RAB43: variants seen among roughly 807,000 people sequenced by gnomAD.
RAB43 encodes ras-related protein Rab-43.
Under a neutral mutation model 18.8 loss-of-function variants are expected in RAB43, and 6 were observed. That is an observed-to-expected ratio of 0.32 (90% CI 0.17 to 0.63). The LOEUF is 0.63. Among genes scored for constraint, RAB43 ranks in the 30% least tolerant of loss-of-function variants. RAB43 has a pLI of 0.79. For missense variants in RAB43, 195 were observed against 289.1 expected, an observed-to-expected ratio of 0.67 and a Z score of 2.36; for synonymous variants, 103 against 124.1, an observed-to-expected ratio of 0.83 and a Z score of 1.13.
chr3:129,101,359 G>C (rs941861891), intron 1 of RAB43, among the ~76,000 whole-genome samples: 7 of 152,172 alleles, frequency 4.6e-5, no homozygotes, highest in Non-Finnish European at 1.0e-4. Context: ...AACATGCGCT[G>C]AGCTCCTGCC....
Position 129,090,958 on chromosome 3 carries a change from C to G in RAB43, c.*138G>C. 1 of 587,936 alleles carries G rather than the reference C, an allele frequency of 1.7e-6. No individual in the cohort carries two copies. The highest frequency in any genetic ancestry group is 2.1e-5 in the South Asian group (1 of 47,092). 36.4% of individuals were successfully genotyped at this position (587,936 alleles called of 1,614,324 possible). ...GAGCCTCCATCCCGCAGCCAGGCCA[C>G]AGGATGCAGAGCTCCAGAGCTTCAC... On this transcript the variant is annotated 3_prime_UTR_variant, in exon 3 of 3. Transcript: ENST00000315150.
At chr3:129,097,952 T>C (rs141959782) in intron 1 of RAB43, among the ~76,000 whole-genome samples, 4 of 152,092 alleles carry the variant, frequency 2.6e-5, no homozygotes, top group South Asian at 2.1e-4. Flanking sequence ...AGCACAGTGG[T>C]CCCACTGAGC....
At chr3:129,091,756 T>C (rs1043316245) in intron 2 of RAB43, among the ~76,000 whole-genome samples, 1 of 151,010 alleles carries the variant, frequency 6.6e-6, no homozygotes, top group Admixed American at 6.6e-5. Context: ...AATGTGGTTA[T>C]AAGGAAGACA....
At chr3:129,096,169 A>G (rs1045953070) in intron 1 of RAB43, among the ~76,000 whole-genome samples, 8 of 152,236 alleles carry the variant, frequency 5.3e-5, no homozygotes, top group Non-Finnish European at 1.2e-4. Context: ...TTCTCAAGGT[A>G]TGTGAGAAAG....
chr3:129,103,311 C>T (rs1036812531), intron 1 of RAB43, among the ~76,000 whole-genome samples: 1 of 152,246 alleles, frequency 6.6e-6, no homozygotes, highest in African/African-American at 2.4e-5. Flanking sequence ...GGCCTCAGGC[C>T]TGTCTCCACA....
intron 1 of RAB43, among the ~76,000 whole-genome samples, chr3:129,098,387 A>C (rs952409946): frequency 2.6e-5 from 4 of 152,370 alleles, no homozygotes; most frequent in South Asian, 2.1e-4. Context: ...GAATAACTTC[A>C]AGGTGATCAG....
intron 1 of RAB43, among the ~76,000 whole-genome samples, chr3:129,104,811 G>A (rs1188535279): frequency 2.6e-5 from 4 of 152,190 alleles, no homozygotes; most frequent in East Asian, 1.9e-4. Context: ...TGTTCTCGCC[G>A]TTATCTTTTC....
At chr3:129,113,315 G>A (rs1047280332) in intron 1 of RAB43, among the ~76,000 whole-genome samples, 1 of 151,824 alleles carries the variant, frequency 6.6e-6, no homozygotes, top group Non-Finnish European at 1.5e-5. Context: ...ACAGGCATGC[G>A]CCACCATGCC....
At chr3:129,113,231 T>C (rs1560003950) in intron 1 of RAB43, among the ~76,000 whole-genome samples, 1 of 151,558 alleles carries the variant, frequency 6.6e-6, no homozygotes. Context: ...AGTGGCACGA[T>C]CTTGGCTCAC....
At chr3:129,091,547 G>T (rs1933657700) in intron 2 of RAB43, among the ~76,000 whole-genome samples, 2 of 152,206 alleles carry the variant, frequency 1.3e-5, no homozygotes, top group African/African-American at 4.8e-5. Context: ...AACACTTTGG[G>T]AAGCTAAGGC....
chr3:129,098,355 A>C (rs755419049), intron 1 of RAB43, among the ~76,000 whole-genome samples: 5 of 152,180 alleles, frequency 3.3e-5, no homozygotes, highest in Non-Finnish European at 7.3e-5. Flanking sequence ...ACCCTAACAA[A>C]ACATAAAAAA....
intron 1 of RAB43, among the ~76,000 whole-genome samples, chr3:129,113,464 C>G (rs1935299751): frequency 6.6e-6 from 1 of 151,976 alleles, no homozygotes; most frequent in Admixed American, 6.6e-5. Flanking sequence ...ACACTCGGCC[C>G]TAGGCTATTT....
chr3:129,095,199 A>G lies in RAB43; in HGVS notation c.205-30T>C. On this transcript the variant is annotated intron_variant, in intron 1 of 2. Transcript: ENST00000315150. The surrounding 1 kb of genome is among the most constrained non-coding windows in gnomAD (Gnocchi z 4.2). The stretch of plus-strand genomic sequence containing the variant: ...AGAAATAAGGTTCCTCAGTGAACCC[A>G]GTGGCACAGGCTGAACATGGGGACA... The G allele has an allele frequency of 6.2e-7, 1 of 1,604,224 alleles. No homozygotes were observed. The highest frequency in any genetic ancestry group is 8.5e-7 in the Non-Finnish European group (1 of 1,174,348).
At chr3:129,114,990 A>C (rs1935429091) in intron 1 of RAB43, among the ~76,000 whole-genome samples, 1 of 147,938 alleles carries the variant, frequency 6.8e-6, no homozygotes, top group Admixed American at 6.7e-5. Flanking sequence ...CCCGCAATCC[A>C]CTCTCTCTCA....
intron 1 of RAB43, among the ~76,000 whole-genome samples, chr3:129,098,106 G>T (rs1019865460): frequency 1.3e-5 from 2 of 152,192 alleles, no homozygotes; most frequent in African/African-American, 4.8e-5. Flanking sequence ...ACAGACCAGA[G>T]ATAGAGGTTC....
upstream of RAB43, chr3:129,121,825 C>CT (rs1935960970): frequency 1.3e-5 from 2 of 150,146 alleles, no homozygotes; most frequent in African/African-American, 5.3e-5. Flanking sequence ...CCCGCCCCAG[C>CT]CCGCCCCCGC....
chr3:129,103,596 ACT>A lies in RAB43; in HGVS notation c.205-8429_205-8428del, dbSNP rs371183489. On this transcript the variant is annotated intron_variant, in intron 1 of 2. Transcript: ENST00000315150. ...TTTTTTTTTTTTTAGATGAAGTCTC[ACT>A]CTGTCACTCAGGCTGGAGTGCAGTG... Among the ~76,000 whole-genome samples the A allele has an allele frequency of 5.8e-3, 851 of 147,142 alleles. 3 individuals are homozygous for A. Among genetic ancestry groups the A allele is most frequent in the African/African-American group, 0.015 (603 of 39,692 alleles).
chr3:129,108,024 C>T (rs901740627), intron 1 of RAB43, among the ~76,000 whole-genome samples: 6 of 152,250 alleles, frequency 3.9e-5, no homozygotes, highest in African/African-American at 1.4e-4. Flanking sequence ...TTGCCATGCT[C>T]TCATCTGCCC....
At chr3:129,101,763 G>T (rs1934428918) in intron 1 of RAB43, among the ~76,000 whole-genome samples, 1 of 152,232 alleles carries the variant, frequency 6.6e-6, no homozygotes, top group Non-Finnish European at 1.5e-5. Context: ...ATAGGATCTT[G>T]CAGGCCAAAG....
Sources: gnomAD v4.1 joint callset for allele counts (sites outside exome capture counted in the v4.1 genomes callset) on GRCh38, gnomAD v4.1.1 for gene constraint, Gnocchi (gnomAD v3.1) non-coding constraint, MANE v1.5 for transcripts, NCBI Gene and HGNC (gene_info 2026-07-23, HGNC 2026-07-21) for gene names.